Variants in SLC8A1 observed in about 807,000 individuals in gnomAD.
SLC8A1 encodes the protein sodium/calcium exchanger 1.
In SLC8A1, 18 loss-of-function variants were observed where a neutral mutation model predicts 68.3. That is an observed-to-expected ratio of 0.26 (90% CI 0.18 to 0.39). The LOEUF (loss-of-function observed/expected upper bound fraction) is 0.39, where lower values mean the gene tolerates loss of function less well. Among genes scored for constraint, SLC8A1 ranks in the 10% least tolerant of loss-of-function variants. The pLI is 1.00. For synonymous variants in SLC8A1, 475 were observed against 415.5 expected, an observed-to-expected ratio of 1.14 and a Z score of -1.74; for missense variants, 985 against 1,156.7, an observed-to-expected ratio of 0.85 and a Z score of 2.15.
intron 2 of SLC8A1, among the ~76,000 whole-genome samples, chr2:40,218,442 T>C (rs1338363357): frequency 1.3e-5 from 2 of 152,234 alleles, no homozygotes; most frequent in Admixed American, 1.3e-4. Context: ...CATTACATAT[T>C]TGATTGGTAC....
exon 2 of SLC8A1, chr2:40,429,257 T>C (rs775425387): frequency 6.2e-7 from 1 of 1,613,966 alleles, no homozygotes; most frequent in Non-Finnish European, 8.5e-7. Context: ...AATTGCTCTA[T>C]TTCTTTATCT....
chr2:40,349,236 G>A (rs1385211736), intron 2 of SLC8A1, among the ~76,000 whole-genome samples: 3 of 152,094 alleles, frequency 2.0e-5, no homozygotes, highest in Non-Finnish European at 4.4e-5. Flanking sequence ...GAAAAAAACC[G>A]AAGACATGTC....
At chr2:40,101,254 C>A (rs1399293918) in exon 8 of SLC8A1, 2 of 152,146 alleles carry the variant, frequency 1.3e-5, no homozygotes, top group African/African-American at 4.8e-5. Context: ...GCTTCTTGAG[C>A]CTTGTGAGTC....
chr2:40,177,715 C>G, intron 3 of SLC8A1: 1 of 1,280,490 alleles, frequency 7.8e-7, no homozygotes, highest in Non-Finnish European at 1.1e-6. Flanking sequence ...GAGAAGAGTA[C>G]AATTTCTCGC....
At chr2:40,136,591 A>G (rs1246059634) in intron 7 of SLC8A1, among the ~76,000 whole-genome samples, 1 of 152,200 alleles carries the variant, frequency 6.6e-6, no homozygotes, top group African/African-American at 2.4e-5. Flanking sequence ...ACATGGGCCT[A>G]GAGAAAACGC....
intron 3 of SLC8A1, among the ~76,000 whole-genome samples, chr2:40,176,667 C>A (rs1055557246): frequency 6.6e-6 from 1 of 152,098 alleles, no homozygotes; most frequent in Non-Finnish European, 1.5e-5. Context: ...ATGGGATGAA[C>A]GTGGGATAAA....
At chr2:40,164,279 G>C (rs1208019451) in intron 5 of SLC8A1, among the ~76,000 whole-genome samples, 2 of 152,190 alleles carry the variant, frequency 1.3e-5, no homozygotes, top group African/African-American at 2.4e-5. Context: ...AGAGAACTGA[G>C]AATCCAATTT....
intron 2 of SLC8A1, among the ~76,000 whole-genome samples, chr2:40,252,150 T>C (rs2062860801): frequency 6.6e-6 from 1 of 152,232 alleles, no homozygotes; most frequent in Admixed American, 6.5e-5. Context: ...TGTGGTTGTA[T>C]GAATTTATTC....
intron 2 of SLC8A1, among the ~76,000 whole-genome samples, chr2:40,332,804 C>G (rs2076550120): frequency 6.6e-6 from 1 of 152,182 alleles, no homozygotes; most frequent in South Asian, 2.1e-4. Flanking sequence ...GATTGATTAG[C>G]TTTTCCAGAG....
intron 2 of SLC8A1, among the ~76,000 whole-genome samples, chr2:40,282,705 T>C (rs1214992905): frequency 6.6e-6 from 1 of 152,114 alleles, no homozygotes; most frequent in Non-Finnish European, 1.5e-5. Flanking sequence ...CAGGAAATAA[T>C]TGCCAGGAAT....
At chr2:40,231,162 C>G (rs978470978) in intron 2 of SLC8A1, among the ~76,000 whole-genome samples, 3 of 152,130 alleles carry the variant, frequency 2.0e-5, no homozygotes, top group African/African-American at 7.2e-5. Flanking sequence ...GCCACTTCTA[C>G]AAGAGAGGTG....
At chr2:40,448,806 A>G (rs1042597999) in intron 1 of SLC8A1, among the ~76,000 whole-genome samples, 3 of 152,220 alleles carry the variant, frequency 2.0e-5, no homozygotes, top group African/African-American at 7.2e-5. Context: ...ATAATATTTT[A>G]GCAAAACACA....
At chr2:40,178,147 G>C (rs556678037) in intron 2 of SLC8A1, among the ~76,000 whole-genome samples, 1 of 152,214 alleles carries the variant, frequency 6.6e-6, no homozygotes, top group Non-Finnish European at 1.5e-5. Flanking sequence ...AACTTTCCCA[G>C]AAATGGATGC....
chr2:40,392,156 AG>A, intron 2 of SLC8A1, among the ~76,000 whole-genome samples: 1 of 151,974 alleles, frequency 6.6e-6, no homozygotes, highest in East Asian at 1.9e-4. Context: ...AATAAAAGAA[AG>A]AAAAAAGAAA....
intron 7 of SLC8A1, among the ~76,000 whole-genome samples, chr2:40,121,314 AG>A (rs2036745630): frequency 1.3e-5 from 2 of 152,192 alleles, no homozygotes; most frequent in Non-Finnish European, 2.9e-5. Context: ...TACTACTCGA[AG>A]TGCCCACAGT....
At chr2:40,383,848 A>ACCC in intron 2 of SLC8A1, among the ~76,000 whole-genome samples, 1 of 152,126 alleles carries the variant, frequency 6.6e-6, no homozygotes, top group South Asian at 2.1e-4. Flanking sequence ...TGTAAACATT[A>ACCC]TCCTTAACAG....
chr2:40,430,080 T>A, exon 2 of SLC8A1: 1 of 1,613,942 alleles, frequency 6.2e-7, no homozygotes, highest in Non-Finnish European at 8.5e-7. Flanking sequence ...AAGAAGGGTC[T>A]TGGGGTTCCC....
At chr2:40,137,704 A>T (rs988971839) in intron 7 of SLC8A1, among the ~76,000 whole-genome samples, 1 of 152,152 alleles carries the variant, frequency 6.6e-6, no homozygotes, top group African/African-American at 2.4e-5. Flanking sequence ...CCAATATGGA[A>T]CTGCTGGAAC....
At chr2:40,435,212 T>G (rs570315937) in intron 1 of SLC8A1, among the ~76,000 whole-genome samples, 9 of 152,138 alleles carry the variant, frequency 5.9e-5, no homozygotes, top group Non-Finnish European at 1.3e-4. Context: ...GACTCAAAGC[T>G]AAGCAATTAA....
Sources: allele counts gnomAD v4.1 joint callset (sites outside exome capture counted in the v4.1 genomes callset), GRCh38; gene constraint gnomAD v4.1.1; transcripts MANE v1.5; gene names NCBI Gene and HGNC (gene_info 2026-07-23, HGNC 2026-07-21).